LEPR: variants seen among roughly 807,000 people sequenced by gnomAD.
The protein encoded by LEPR is OB receptor.
LEPR carries 56 observed loss-of-function variants against 114.7 expected under a neutral mutation model. That is an observed-to-expected ratio of 0.49 (90% CI 0.39 to 0.61). LEPR has a LOEUF of 0.61. LEPR is among the 20% of genes least tolerant of loss of function. LEPR has a pLI of 0.00. For synonymous variants in LEPR, 443 were observed against 461.4 expected, an observed-to-expected ratio of 0.96 and a Z score of 0.51; for missense variants, 1,202 against 1,352.9, an observed-to-expected ratio of 0.89 and a Z score of 1.75.
intron 1 of LEPR, 52 bp downstream of exon 1, chr1:65,420,792 T>C (rs1331741940): frequency 2.6e-6 from 4 of 1,559,592 alleles, no homozygotes; most frequent in Non-Finnish European, 3.5e-6. Context: ...GCCACCTCCG[T>C]TCCGGTCAAG....
intron 14 of LEPR, 130 bp from the exon 15 acceptor site, chr1:65,615,878 C>A: frequency 8.1e-7 from 1 of 1,234,492 alleles, no homozygotes. Context: ...GCCTCTCAGC[C>A]TTGTAATAGT....
intron 2 of LEPR, among the ~76,000 whole-genome samples, chr1:65,517,084 T>C (rs1649326100): frequency 6.6e-6 from 1 of 152,230 alleles, no homozygotes; most frequent in African/African-American, 2.4e-5. Flanking sequence ...TAATGTCCTT[T>C]TACCTCTACC....
intron 16 of LEPR, among the ~76,000 whole-genome samples, chr1:65,618,669 T>C (rs1657686239): frequency 6.6e-6 from 1 of 152,104 alleles, no homozygotes; most frequent in Non-Finnish European, 1.5e-5. Flanking sequence ...TTTTAACATT[T>C]TATACAGGGG....
At position 65,425,195 on chromosome 1, in the gene LEPR, C is replaced by G. The variant is rs1162307554; in HGVS notation, c.-96-108C>G. On this transcript the variant is annotated intron_variant, in intron 1 of 19. Transcript: ENST00000349533. ...TAATTCCAGAAAATTTACTCATCCG[C>G]CAAAGAAACTCTGGACCTATTAGAA... 9 of 869,500 alleles carry G rather than the reference C, an allele frequency of 1.0e-5. No individual in the cohort carries two copies. The East Asian group carries it at 2.0e-4, about 20-fold the overall frequency. The allele number at this position is 869,500 out of a possible 1,614,324, so 53.9% of individuals were successfully genotyped here.
At chr1:65,431,432 ACT>A (rs1646482793) in intron 2 of LEPR, among the ~76,000 whole-genome samples, 1 of 152,222 alleles carries the variant, frequency 6.6e-6, no homozygotes, top group South Asian at 2.1e-4. Context: ...CAAATTTATA[ACT>A]CTACAATTTT....
chr1:65,514,330 T>G (rs1649178323), intron 2 of LEPR, among the ~76,000 whole-genome samples: 1 of 152,000 alleles, frequency 6.6e-6, no homozygotes, highest in Non-Finnish European at 1.5e-5. Flanking sequence ...AATTGGCCAG[T>G]GAAGAGCCAC....
At chr1:65,518,195 T>C (rs779878318) in intron 2 of LEPR, among the ~76,000 whole-genome samples, 2 of 152,244 alleles carry the variant, frequency 1.3e-5, no homozygotes, top group East Asian at 3.8e-4. Context: ...AGCTTTCTTT[T>C]GTCTTGTACT....
intron 2 of LEPR, chr1:65,435,588 C>T (rs1314169028): frequency 1.2e-5 from 7 of 594,870 alleles, no homozygotes; most frequent in South Asian, 7.3e-5. Context: ...AGGATGGTCT[C>T]GATCTCCTGA....
intron 19 of LEPR, chr1:65,623,472 G>C (rs2101016262): frequency 6.6e-6 from 1 of 152,378 alleles, no homozygotes; most frequent in East Asian, 1.9e-4. Context: ...TTCCATTCAA[G>C]TACAAGTACT....
chr1:65,463,170 G>T (rs1385931549), intron 2 of LEPR, among the ~76,000 whole-genome samples: 1 of 152,096 alleles, frequency 6.6e-6, no homozygotes, highest in Non-Finnish European at 1.5e-5. Context: ...GTTAATTTTT[G>T]TATATGGTGT....
chr1:65,493,244 G>GT (rs530206756), intron 2 of LEPR, among the ~76,000 whole-genome samples: 179 of 152,138 alleles, frequency 1.2e-3, no homozygotes, highest in South Asian at 2.5e-3. Flanking sequence ...GACGCTGCCA[G>GT]TTTTTTGCCC....
chr1:65,550,255 G>T (rs1305449504), intron 2 of LEPR, among the ~76,000 whole-genome samples: 1 of 152,206 alleles, frequency 6.6e-6, no homozygotes, highest in Non-Finnish European at 1.5e-5. Flanking sequence ...GGCTGCTCGG[G>T]GGTCAGGGGT....
At chr1:65,523,604 C>T (rs956426073) in intron 2 of LEPR, among the ~76,000 whole-genome samples, 2 of 152,164 alleles carry the variant, frequency 1.3e-5, no homozygotes, top group African/African-American at 4.8e-5. Flanking sequence ...AGCCACCATG[C>T]CCGGCGATAC....
chr1:65,587,655 T>G (rs974557963), intron 5 of LEPR, among the ~76,000 whole-genome samples: 8 of 152,072 alleles, frequency 5.3e-5, no homozygotes, highest in African/African-American at 1.9e-4. Context: ...TAATTTAGTG[T>G]GCTTTTGACA....
At chr1:65,453,127 C>T (rs1317034059) in intron 2 of LEPR, among the ~76,000 whole-genome samples, 1 of 152,050 alleles carries the variant, frequency 6.6e-6, no homozygotes, top group African/African-American at 2.4e-5. Context: ...GTGGTGATAT[C>T]CCCTTTATCA....
chr1:65,521,699 A>C (rs932573388), intron 2 of LEPR, among the ~76,000 whole-genome samples: 1 of 152,226 alleles, frequency 6.6e-6, no homozygotes, highest in South Asian at 2.1e-4. Context: ...TTGAATTAGC[A>C]GTTACAACTT....
Position 65,619,348 on chromosome 1 carries a change from G to A in LEPR, c.2396-580G>A, listed in dbSNP as rs192195260. ...CTAGAAGAATATTCATATATTATTA[G>A]CATTTGTGAAAATCATGATGGATCC... On this transcript the variant is annotated intron_variant, in intron 16 of 19. Coordinates refer to ENST00000349533, the MANE Select transcript of LEPR (RefSeq NM_002303.6). 1.5e-4 allele frequency among the ~76,000 whole-genome samples: 23 copies of A among 152,006 alleles called. No individual in the cohort carries two copies. The East Asian group carries it at 4.5e-3, about 29-fold the overall frequency.
chr1:65,630,997 T>C (rs1658496554), intron 19 of LEPR, among the ~76,000 whole-genome samples: 1 of 152,150 alleles, frequency 6.6e-6, no homozygotes, highest in Admixed American at 6.5e-5. Context: ...ACTTTCCTCC[T>C]AATATCTGGT....
intron 2 of LEPR, among the ~76,000 whole-genome samples, chr1:65,555,148 T>A (rs935931999): frequency 2.6e-5 from 4 of 152,194 alleles, no homozygotes; most frequent in Admixed American, 6.5e-5. Context: ...ACCAGAGCTG[T>A]TCCTATTCAG....
Sources: allele counts gnomAD v4.1 joint callset (sites outside exome capture counted in the v4.1 genomes callset), GRCh38; gene constraint gnomAD v4.1.1; transcripts MANE v1.5; gene names NCBI Gene and HGNC (gene_info 2026-07-23, HGNC 2026-07-21).